KCNN3: variants seen among roughly 807,000 people sequenced by gnomAD.
KCNN3 encodes the protein small conductance calcium-activated potassium channel protein 3.
A neutral mutation model predicts 62.9 loss-of-function variants in KCNN3; 16 were observed. That is an observed-to-expected ratio of 0.25 (90% CI 0.17 to 0.39). KCNN3 has a LOEUF of 0.39. Among genes scored for constraint, KCNN3 ranks in the 10% least tolerant of loss-of-function variants. KCNN3 has a pLI of 1.00. For synonymous variants in KCNN3, 370 were observed against 389.2 expected, an observed-to-expected ratio of 0.95 and a Z score of 0.58; for missense variants, 599 against 949.4, an observed-to-expected ratio of 0.63 and a Z score of 4.85.
intron 1 of KCNN3, among the ~76,000 whole-genome samples, chr1:154,858,967 G>GCA (rs1652647829): frequency 1.3e-5 from 2 of 152,146 alleles, no homozygotes; most frequent in South Asian, 4.1e-4. Context: ...ACCCAGGCTA[G>GCA]CACACCTGGC....
intron 2 of KCNN3, among the ~76,000 whole-genome samples, chr1:154,806,076 A>G (rs1650161744): frequency 1.3e-5 from 2 of 152,182 alleles, no homozygotes; most frequent in African/African-American, 2.4e-5. Context: ...TAGTGTTTCT[A>G]CTTCCAGACT....
chr1:154,853,611 G>A (rs1652392760), intron 1 of KCNN3, among the ~76,000 whole-genome samples: 1 of 152,194 alleles, frequency 6.6e-6, no homozygotes, highest in South Asian at 2.1e-4. Flanking sequence ...AGAATTACAG[G>A]CATTAGCCAC....
chr1:154,828,483 T>TG (rs896319503), intron 1 of KCNN3, among the ~76,000 whole-genome samples: 13 of 152,174 alleles, frequency 8.5e-5, no homozygotes, highest in East Asian at 3.9e-4. Flanking sequence ...TTTTTAGTCA[T>TG]GGGGGGGCTA....
chr1:154,848,042 ACCTCCTTTGGGCCTG>A, intron 1 of KCNN3, among the ~76,000 whole-genome samples: 1 of 151,844 alleles, frequency 6.6e-6, no homozygotes, highest in East Asian at 1.9e-4. Flanking sequence ...GGTGTATTCC[ACCTCCTTTGGGCCTG>A]GCCAGAAGCC....
intron 1 of KCNN3, among the ~76,000 whole-genome samples, chr1:154,866,593 AAT>A (rs1263414003): frequency 6.6e-6 from 1 of 152,196 alleles, no homozygotes; most frequent in East Asian, 1.9e-4. Flanking sequence ...ACACCCAGAA[AAT>A]ACTTGTTTCA....
At chr1:154,780,613 C>T (rs1162539358) in intron 2 of KCNN3, among the ~76,000 whole-genome samples, 1 of 145,264 alleles carries the variant, frequency 6.9e-6, no homozygotes, top group Non-Finnish European at 1.5e-5. Flanking sequence ...TATATATATA[C>T]ATATATAAAT....
In KCNN3 at chr1:154,772,052, G is replaced by A; in HGVS notation, c.1371C>T (p.Ile457=). The A allele has an allele frequency of 1.9e-6, 3 of 1,614,184 alleles. 1 individual carries two copies. In the South Asian group the frequency reaches 3.3e-5, roughly 18 times the overall value. Residue 457 remains isoleucine (I), a synonymous_variant, in exon 3 of 8, where the codon ATC becomes ATT. Transcript: ENST00000271915. The surrounding 1 kb of genome is among the most constrained non-coding windows in gnomAD (Gnocchi z 5.6). ...ACACGAGCAGCACAGTGCCAGGGCAGATGGTCATGAGCGTCTTCATGACAA... is the reference window on the plus strand; with the variant it reads ...ACACGAGCAGCACAGTGCCAGGGCAAATGGTCATGAGCGTCTTCATGACAA... The part of the protein sequence containing the change: ...TRFVMKTLMT[I]CPGTVLLVFS...
rs796563213 is a variant in KCNN3 at position 154,807,826 on chromosome 1, C to T, written c.1029+14263G>A. 4.6e-5 allele frequency among the ~76,000 whole-genome samples: 7 copies of T among 152,188 alleles called. 1 individual carries two copies. The highest frequency in any genetic ancestry group is 1.7e-4 in the African/African-American group (7 of 41,526). ...TCAGTCAGTGAGATCAGAACCTCAG[C>T]GTTTTGGGGTGGGAGGGGTGTTTTT... On this transcript the variant is annotated intron_variant, in intron 2 of 7. Coordinates refer to ENST00000271915, the MANE Select transcript of KCNN3 (RefSeq NM_002249.6).
rs1182225148 is a variant in KCNN3, at chr1:154,700,074, G to T, written c.*7902C>A. Reference sequence around the variant, plus strand: ...TTTTTTAATCCTTATGATCATTCAGGACCTTCACATCTTCAAATAATTCTG... The same window carrying T: ...TTTTTTAATCCTTATGATCATTCAGTACCTTCACATCTTCAAATAATTCTG... On this transcript the variant is annotated 3_prime_UTR_variant, in exon 8 of 8. Coordinates refer to ENST00000271915, the MANE Select transcript of KCNN3 (RefSeq NM_002249.6). 1.3e-5 allele frequency: 2 copies of T among 152,112 alleles called. No individual in the cohort carries two copies. Among genetic ancestry groups the T allele is most frequent in the African/African-American group, 4.8e-5 (2 of 41,424 alleles). The allele number at this position is 152,112 out of a possible 1,614,324, so 9.4% of individuals were successfully genotyped here.
intron 1 of KCNN3, among the ~76,000 whole-genome samples, chr1:154,835,164 A>G (rs1439496076): frequency 6.6e-6 from 1 of 152,140 alleles, no homozygotes; most frequent in East Asian, 1.9e-4. Context: ...GAACGTGAAA[A>G]TACTCTCCCA....
intron 2 of KCNN3, among the ~76,000 whole-genome samples, chr1:154,781,265 G>A (rs368824844): frequency 1.3e-4 from 20 of 152,284 alleles, no homozygotes; most frequent in African/African-American, 4.6e-4. Context: ...TTTTACTCAC[G>A]TAGCAGGAAT....
chr1:154,842,426 T>G (rs1271354031), intron 1 of KCNN3, among the ~76,000 whole-genome samples: 1 of 152,130 alleles, frequency 6.6e-6, no homozygotes, highest in African/African-American at 2.4e-5. Context: ...CACCCCACAC[T>G]TGACCTTCCT....
chr1:154,770,794 C>T (rs776050042), intron 3 of KCNN3, among the ~76,000 whole-genome samples: 16 of 152,134 alleles, frequency 1.1e-4, no homozygotes, highest in Admixed American at 3.3e-4. Flanking sequence ...CAGTGGCTCA[C>T]GCCTGTAATC....
At chr1:154,851,761 A>C (rs1464827622) in intron 1 of KCNN3, among the ~76,000 whole-genome samples, 1 of 152,180 alleles carries the variant, frequency 6.6e-6, no homozygotes. Context: ...ACAGCCTCTC[A>C]GCGGGGCTCC....
chr1:154,825,984 C>A (rs1651096437), intron 1 of KCNN3, among the ~76,000 whole-genome samples: 1 of 150,022 alleles, frequency 6.7e-6, no homozygotes. Context: ...GGAGGCGGAG[C>A]TTGCAGTGAG....
chr1:154,795,053 T>C (rs1294907715), intron 2 of KCNN3, among the ~76,000 whole-genome samples: 2 of 152,222 alleles, frequency 1.3e-5, no homozygotes, highest in East Asian at 3.8e-4. Flanking sequence ...ACTTAGTTAC[T>C]GAGACAGGCA....
chr1:154,841,108 C>T (rs11588763), intron 1 of KCNN3, among the ~76,000 whole-genome samples: 31,968 of 152,154 alleles, frequency 0.21, 4,268 homozygotes, highest in Non-Finnish European at 0.31. Context: ...ATGGTGAGGG[C>T]GCAAGGGAGG....
At position 154,854,146 on chromosome 1, in the gene KCNN3, G is replaced by A. The variant is rs551040784; in HGVS notation, c.933+14886C>T. On this transcript the variant is annotated intron_variant, in intron 1 of 7. Coordinates refer to ENST00000271915, the MANE Select transcript of KCNN3 (RefSeq NM_002249.6). Reference sequence around the variant, plus strand: ...GCTACTCGGGAGGCTGAGGCAGGAGGATAGCGTGAACCCGGGAGGCGGAGC... The same window carrying A: ...GCTACTCGGGAGGCTGAGGCAGGAGAATAGCGTGAACCCGGGAGGCGGAGC... Among the ~76,000 whole-genome samples, 33 of 150,648 alleles carry A rather than the reference G, an allele frequency of 2.2e-4. No homozygotes were observed. The East Asian group carries it at 5.7e-3, about 26-fold the overall frequency.
At chr1:154,781,884 T>C (rs1045273241) in intron 2 of KCNN3, among the ~76,000 whole-genome samples, 1 of 152,080 alleles carries the variant, frequency 6.6e-6, no homozygotes, top group Non-Finnish European at 1.5e-5. Flanking sequence ...GTAAACCATT[T>C]AATTTTAGAG....
Sources: allele counts gnomAD v4.1 joint callset (sites outside exome capture counted in the v4.1 genomes callset), GRCh38; gene constraint gnomAD v4.1.1; non-coding constraint Gnocchi (gnomAD v3.1); transcripts MANE v1.5; gene names NCBI Gene and HGNC (gene_info 2026-07-23, HGNC 2026-07-21).